HSPA12A: variants seen among roughly 807,000 people sequenced by gnomAD.
The protein encoded by HSPA12A is heat shock 70 kDa protein 12A.
A neutral mutation model predicts 69.2 loss-of-function variants in HSPA12A; 28 were observed. The observed-to-expected ratio is 0.40, with a 90% confidence interval of 0.30 to 0.55. HSPA12A has a LOEUF of 0.55. Ranked by LOEUF, HSPA12A falls within the 20% of genes least tolerant of loss-of-function variation. The pLI is 0.38. For synonymous variants in HSPA12A, 345 were observed against 370.5 expected (o/e 0.93, Z 0.79); for missense variants, 686 against 900.7 (o/e 0.76, Z 3.05).
At chr10:116,690,233 C>T (rs1300019011) in intron 6 of HSPA12A, among the ~76,000 whole-genome samples, 1 of 152,186 alleles carries the variant, frequency 6.6e-6, no homozygotes, top group African/African-American at 2.4e-5. Flanking sequence ...CCTCCCAATA[C>T]ACCCCTCTCC....
At chr10:116,730,250 T>C (rs1554885542) in intron 1 of HSPA12A, among the ~76,000 whole-genome samples, 1 of 152,212 alleles carries the variant, frequency 6.6e-6, no homozygotes, top group Admixed American at 6.5e-5. Flanking sequence ...ACAAATTCTT[T>C]ATATACATGA....
At chr10:116,763,937 T>G (rs1844024827) in intron 2 of HSPA12A, among the ~76,000 whole-genome samples, 1 of 151,958 alleles carries the variant, frequency 6.6e-6, no homozygotes, top group African/African-American at 2.4e-5. Flanking sequence ...GATAGGACCA[T>G]GGCGTTATTG....
intron 2 of HSPA12A, chr10:116,830,586 ATGG>A (rs1845595990): frequency 6.6e-6 from 1 of 152,066 alleles, no homozygotes; most frequent in Non-Finnish European, 1.5e-5. Context: ...ACCGGGCAAC[ATGG>A]TGAAACCCCA....
At chr10:116,773,408 G>A (rs994048936) in intron 2 of HSPA12A, among the ~76,000 whole-genome samples, 1 of 152,272 alleles carries the variant, frequency 6.6e-6, no homozygotes, top group African/African-American at 2.4e-5. Flanking sequence ...CTAGCGGGCA[G>A]ACAGGACAGG....
In HSPA12A at chr10:116,681,145, G is replaced by C; in HGVS notation, c.1027+7C>G. 6.3e-7 allele frequency: 1 copy of C among 1,598,014 alleles called. No homozygotes were observed. Among genetic ancestry groups the C allele is most frequent in the African/African-American group, 1.3e-5 (1 of 74,702 alleles). On this transcript the variant is annotated splice_region_variant and intron_variant, in intron 9 of 11. Transcript: ENST00000369209. ...GGAATAAGAAAATTAGCCCTGCAGG[G>C]CCTCACCTGTTGCTTTATACAGTTC...
At chr10:116,766,528 G>A (rs1844080242) in intron 2 of HSPA12A, among the ~76,000 whole-genome samples, 1 of 152,124 alleles carries the variant, frequency 6.6e-6, no homozygotes, top group Non-Finnish European at 1.5e-5. Context: ...AGACAAAGCT[G>A]CCCCACAGCC....
chr10:116,760,270 A>G (rs1843939439), intron 2 of HSPA12A, among the ~76,000 whole-genome samples: 1 of 152,116 alleles, frequency 6.6e-6, no homozygotes, highest in Non-Finnish European at 1.5e-5. Context: ...AGCCAGACCC[A>G]GTCTCTATTA....
At chr10:116,765,321 C>CA (rs1453038511) in intron 2 of HSPA12A, among the ~76,000 whole-genome samples, 8 of 151,544 alleles carry the variant, frequency 5.3e-5, no homozygotes, top group African/African-American at 1.7e-4. Context: ...CCTGAAACAT[C>CA]AAAAAAAATT....
chr10:116,707,757 C>T (rs1212569230), intron 1 of HSPA12A, among the ~76,000 whole-genome samples: 9 of 152,158 alleles, frequency 5.9e-5, no homozygotes, highest in South Asian at 2.1e-4. Flanking sequence ...GGAAGAGCAA[C>T]CCCTATCCTA....
At chr10:116,786,221 T>G (rs1052684406) in intron 2 of HSPA12A, among the ~76,000 whole-genome samples, 1 of 152,226 alleles carries the variant, frequency 6.6e-6, no homozygotes, top group Non-Finnish European at 1.5e-5. Context: ...GACACAGTGG[T>G]AAATACTTCT....
At chr10:116,694,754 C>T (rs1849837089) in intron 5 of HSPA12A, among the ~76,000 whole-genome samples, 1 of 152,202 alleles carries the variant, frequency 6.6e-6, no homozygotes, top group Admixed American at 6.5e-5. Flanking sequence ...TCCTGGGCCA[C>T]CAGGCGCTGA....
chr10:116,830,600 T>G (rs1374067825), intron 2 of HSPA12A: 1 of 151,742 alleles, frequency 6.6e-6, no homozygotes, highest in East Asian at 1.9e-4. Context: ...TGAAACCCCA[T>G]CTCTACAAAA....
At chr10:116,827,166 G>T (rs1426044805) in intron 2 of HSPA12A, among the ~76,000 whole-genome samples, 1 of 152,194 alleles carries the variant, frequency 6.6e-6, no homozygotes, top group East Asian at 1.9e-4. Context: ...AAATGCTCTA[G>T]AATATCATTA....
chr10:116,794,291 T>C (rs1457129021), intron 2 of HSPA12A, among the ~76,000 whole-genome samples: 2 of 152,154 alleles, frequency 1.3e-5, no homozygotes, highest in Admixed American at 1.3e-4. Context: ...ATAAGATTTA[T>C]TTTAAATCCA....
chr10:116,802,957 C>T (rs950302279), intron 2 of HSPA12A, among the ~76,000 whole-genome samples: 3 of 152,208 alleles, frequency 2.0e-5, no homozygotes, highest in African/African-American at 7.2e-5. Context: ...TCTGGGTTCC[C>T]GAACGAAGGA....
intron 2 of HSPA12A, among the ~76,000 whole-genome samples, chr10:116,770,895 T>TG (rs200544426): frequency 0.079 from 11,973 of 152,086 alleles, 1,560 homozygotes; most frequent in African/African-American, 0.27. Flanking sequence ...AAGCCTCTCT[T>TG]GGGGGAGATT....
intron 7 of HSPA12A, among the ~76,000 whole-genome samples, chr10:116,682,750 G>T (rs1554878855): frequency 6.6e-6 from 1 of 152,122 alleles, no homozygotes; most frequent in African/African-American, 2.4e-5. Context: ...TCCCAGGCTG[G>T]AGTGCAGTGG....
At chr10:116,841,885 A>G (rs1335497899) in intron 1 of HSPA12A, among the ~76,000 whole-genome samples, 1 of 152,114 alleles carries the variant, frequency 6.6e-6, no homozygotes, top group Non-Finnish European at 1.5e-5. Context: ...AAAAGAGAAA[A>G]CAACACCATA....
At chr10:116,736,685 C>T (rs1851326472) in intron 1 of HSPA12A, among the ~76,000 whole-genome samples, 1 of 152,212 alleles carries the variant, frequency 6.6e-6, no homozygotes, top group Middle Eastern at 3.4e-3. Context: ...GGCCACGATC[C>T]AAGGAATGCA....
Sources: gnomAD v4.1 joint callset for allele counts (sites outside exome capture counted in the v4.1 genomes callset) on GRCh38, gnomAD v4.1.1 for gene constraint, MANE v1.5 for transcripts, NCBI Gene and HGNC (gene_info 2026-07-23, HGNC 2026-07-21) for gene names.